Variants in KCNH7 observed in about 807,000 individuals in gnomAD.
The protein encoded by KCNH7 is voltage-gated inwardly rectifying potassium channel KCNH7.
KCNH7 carries 49 observed loss-of-function variants against 120.8 expected under a neutral mutation model. That is an observed-to-expected ratio of 0.41 (90% CI 0.32 to 0.51). The LOEUF (loss-of-function observed/expected upper bound fraction) is 0.51, where lower values mean the gene tolerates loss of function less well. KCNH7 is among the 20% of genes least tolerant of loss of function. KCNH7 has a pLI of 0.38. For missense variants in KCNH7, 1,097 were observed against 1,446.6 expected, an observed-to-expected ratio of 0.76 and a Z score of 3.92; for synonymous variants, 547 against 516.1, an observed-to-expected ratio of 1.06 and a Z score of -0.81.
intron 2 of KCNH7, among the ~76,000 whole-genome samples, chr2:162,587,741 AGTAAATGGTTCTAT>A (rs1694064413): frequency 2.0e-5 from 3 of 151,950 alleles, no homozygotes; most frequent in Admixed American, 1.3e-4. Context: ...TTTGCCTTGT[AGTAAATGGTTCTAT>A]CTATGGAATA....
intron 2 of KCNH7, among the ~76,000 whole-genome samples, chr2:162,582,000 G>A (rs1249066134): frequency 6.6e-6 from 1 of 152,044 alleles, no homozygotes; most frequent in Non-Finnish European, 1.5e-5. Flanking sequence ...AGGAAGACCT[G>A]GGGAGATCTC....
At chr2:162,416,068 G>A (rs917251317) in intron 9 of KCNH7, among the ~76,000 whole-genome samples, 1 of 152,242 alleles carries the variant, frequency 6.6e-6, no homozygotes, top group South Asian at 2.1e-4. Flanking sequence ...TCTGACCTCA[G>A]TGTGGTGTTG....
intron 5 of KCNH7, among the ~76,000 whole-genome samples, chr2:162,508,901 G>A (rs1415296484): frequency 1.3e-5 from 2 of 151,508 alleles, no homozygotes; most frequent in African/African-American, 2.4e-5. Context: ...GAAATAGAGG[G>A]AAATAAGAGA....
At chr2:162,590,862 A>G (rs1257920739) in intron 2 of KCNH7, among the ~76,000 whole-genome samples, 1 of 152,140 alleles carries the variant, frequency 6.6e-6, no homozygotes, top group East Asian at 1.9e-4. Flanking sequence ...AAATTAGAGC[A>G]TGTCATTAAT....
chr2:162,485,897 C>A (rs576218144), intron 6 of KCNH7, among the ~76,000 whole-genome samples: 31 of 152,248 alleles, frequency 2.0e-4, no homozygotes, highest in African/African-American at 6.7e-4. Context: ...TCTATTACAT[C>A]CTTTTTTTCC....
intron 2 of KCNH7, among the ~76,000 whole-genome samples, chr2:162,552,617 C>A (rs1198508849): frequency 6.6e-6 from 1 of 152,172 alleles, no homozygotes; most frequent in Non-Finnish European, 1.5e-5. Context: ...GGGAGATTAT[C>A]CAGGTGTGCT....
intron 2 of KCNH7, among the ~76,000 whole-genome samples, chr2:162,549,560 T>C (rs1181546797): frequency 2.0e-5 from 3 of 152,196 alleles, no homozygotes; most frequent in African/African-American, 7.2e-5. Context: ...GGTAAGCCAC[T>C]GGGAGAGACT....
chr2:162,618,229 A>G (rs1683217034), intron 2 of KCNH7, among the ~76,000 whole-genome samples: 1 of 152,028 alleles, frequency 6.6e-6, no homozygotes, highest in South Asian at 2.1e-4. Context: ...AGTTTTATCT[A>G]TCCCTTTCTC....
chr2:162,779,850 C>G (rs1574379487), intron 2 of KCNH7, among the ~76,000 whole-genome samples: 3 of 152,292 alleles, frequency 2.0e-5, no homozygotes, highest in East Asian at 3.9e-4. Context: ...TAATTAATCT[C>G]TCTCTTGCAT....
intron 2 of KCNH7, among the ~76,000 whole-genome samples, chr2:162,539,278 C>T (rs1692221157): frequency 1.3e-5 from 2 of 152,026 alleles, no homozygotes; most frequent in Admixed American, 6.6e-5. Context: ...TCCTAATGAA[C>T]CAAAATACAT....
At chr2:162,625,116 C>T (rs952557959) in intron 2 of KCNH7, among the ~76,000 whole-genome samples, 1 of 151,768 alleles carries the variant, frequency 6.6e-6, no homozygotes, top group Non-Finnish European at 1.5e-5. Flanking sequence ...AGGTTGGTCC[C>T]GAACTCCCGA....
intron 2 of KCNH7, among the ~76,000 whole-genome samples, chr2:162,649,688 C>CAG (rs72190647): frequency 1.3e-5 from 2 of 150,582 alleles, no homozygotes; most frequent in East Asian, 3.9e-4. Context: ...ATACTGGTAC[C>CAG]AGAGAGAGAG....
At chr2:162,438,004 T>C (rs78220253) in intron 7 of KCNH7, among the ~76,000 whole-genome samples, 232 of 152,274 alleles carry the variant, frequency 1.5e-3, no homozygotes, top group African/African-American at 5.3e-3. Flanking sequence ...TTATTTTTCC[T>C]CTTAATTCTA....
intron 2 of KCNH7, among the ~76,000 whole-genome samples, chr2:162,721,719 A>G (rs1008307950): frequency 3.3e-5 from 5 of 152,244 alleles, no homozygotes; most frequent in Admixed American, 2.6e-4. Flanking sequence ...CACCAAATTC[A>G]AAGACATTTT....
At chr2:162,508,712 A>T (rs1251813370) in intron 5 of KCNH7, among the ~76,000 whole-genome samples, 3 of 151,534 alleles carry the variant, frequency 2.0e-5, no homozygotes, top group African/African-American at 7.2e-5. Flanking sequence ...ATAAAGGACC[A>T]GAATGCAGGG....
At chr2:162,382,757 A>C (rs960828770) in intron 13 of KCNH7, among the ~76,000 whole-genome samples, 39 of 152,002 alleles carry the variant, frequency 2.6e-4, no homozygotes, top group African/African-American at 9.4e-4. Flanking sequence ...ATTGCATATT[A>C]ATGCAATATA....
At chr2:162,490,439 C>A (rs769092303) in intron 6 of KCNH7, among the ~76,000 whole-genome samples, 1 of 152,236 alleles carries the variant, frequency 6.6e-6, no homozygotes. Context: ...CCTCCGCATG[C>A]CTACTTCTTC....
intron 2 of KCNH7, among the ~76,000 whole-genome samples, chr2:162,658,238 T>G (rs2105272669): frequency 6.6e-6 from 1 of 152,146 alleles, no homozygotes; most frequent in Admixed American, 6.5e-5. Flanking sequence ...GCATCATTTG[T>G]CAAAAAGACA....
At chr2:162,681,318 T>TG (rs1685702790) in intron 2 of KCNH7, among the ~76,000 whole-genome samples, 1 of 151,740 alleles carries the variant, frequency 6.6e-6, no homozygotes, top group Non-Finnish European at 1.5e-5. Context: ...AAACTATTCC[T>TG]GGGTGACCTT....
Sources: gnomAD v4.1 joint callset for allele counts (sites outside exome capture counted in the v4.1 genomes callset) on GRCh38, gnomAD v4.1.1 for gene constraint, MANE v1.5 for transcripts, NCBI Gene and HGNC (gene_info 2026-07-23, HGNC 2026-07-21) for gene names.